Variants in PACRG observed in about 807,000 individuals in gnomAD.
PACRG encodes the protein parkin coregulated gene protein.
Under a neutral mutation model 29.7 loss-of-function variants are expected in PACRG, and 29 were observed. That is an observed-to-expected ratio of 0.98 (90% CI 0.73 to 1.33). The LOEUF is 1.33. Ranked by LOEUF, PACRG falls within the 40% of genes most tolerant of loss-of-function variation. The pLI, the probability that PACRG is intolerant of heterozygous loss-of-function variation, is 0.00. For synonymous variants in PACRG, 116 were observed against 118.7 expected, an observed-to-expected ratio of 0.98 and a Z score of 0.15; for missense variants, 279 against 316.2, an observed-to-expected ratio of 0.88 and a Z score of 0.89.
At chr6:163,302,885 G>A (rs1785056804) in intron 4 of PACRG, among the ~76,000 whole-genome samples, 2 of 152,104 alleles carry the variant, frequency 1.3e-5, no homozygotes, top group South Asian at 4.2e-4. Context: ...TCTGTGCCCC[G>A]CTGTGCAGCC....
intron 4 of PACRG, among the ~76,000 whole-genome samples, chr6:163,172,456 G>A (rs1024000457): frequency 2.0e-5 from 3 of 152,178 alleles, no homozygotes; most frequent in South Asian, 2.1e-4. Context: ...GATTCAGGCC[G>A]TGGAATAATT....
chr6:163,223,571 C>T lies in PACRG; in HGVS notation c.614-91256C>T, dbSNP rs561382380. 1.8e-4 allele frequency among the ~76,000 whole-genome samples: 28 copies of T among 152,164 alleles called. No individual in the cohort carries two copies. The East Asian group carries it at 2.9e-3, about 16-fold the overall frequency. ...CTTGCATTCTAATGAGAGTGTTAGA[C>T]GACTCGACTGTAATGCACAGGAAAA... On this transcript the variant is annotated intron_variant, in intron 4 of 4. Coordinates refer to ENST00000366888, the MANE Select transcript of PACRG (RefSeq NM_001080379.2).
intron 3 of PACRG, among the ~76,000 whole-genome samples, chr6:163,065,705 C>T (rs543588252): frequency 2.0e-5 from 3 of 152,224 alleles, no homozygotes; most frequent in Non-Finnish European, 2.9e-5. Context: ...TTCAGGAAGA[C>T]GTGGCCTCTG....
intron 4 of PACRG, among the ~76,000 whole-genome samples, chr6:163,249,754 G>A (rs1437346187): frequency 1.3e-5 from 2 of 152,324 alleles, no homozygotes; most frequent in Non-Finnish European, 2.9e-5. Flanking sequence ...TTGGATGACA[G>A]GGCACCCGGC....
At chr6:163,162,134 G>A (rs1038564883) in intron 4 of PACRG, among the ~76,000 whole-genome samples, 3 of 152,134 alleles carry the variant, frequency 2.0e-5, no homozygotes, top group Non-Finnish European at 4.4e-5. Context: ...AGGAAAAACT[G>A]AAAGTAACCC....
At chr6:162,798,157 G>C (rs1227211558) in intron 1 of PACRG, among the ~76,000 whole-genome samples, 2 of 152,156 alleles carry the variant, frequency 1.3e-5, no homozygotes, top group Non-Finnish European at 2.9e-5. Flanking sequence ...GTGGGCTTCT[G>C]GGTCTAGGCT....
chr6:162,744,874 A>C (rs1485968369), intron 1 of PACRG, among the ~76,000 whole-genome samples: 1 of 152,190 alleles, frequency 6.6e-6, no homozygotes, highest in East Asian at 1.9e-4. Flanking sequence ...AACAATGGAG[A>C]AAATGTCATC....
At chr6:163,014,552 C>T (rs1805911657) in intron 2 of PACRG, among the ~76,000 whole-genome samples, 1 of 151,258 alleles carries the variant, frequency 6.6e-6, no homozygotes, top group Non-Finnish European at 1.5e-5. Context: ...AATAGCCATT[C>T]TGACTGGTAT....
intron 4 of PACRG, among the ~76,000 whole-genome samples, chr6:163,157,663 T>A (rs761461680): frequency 1.1e-4 from 17 of 152,224 alleles, no homozygotes; most frequent in Non-Finnish European, 2.1e-4. Context: ...GCTGAGGATG[T>A]CAACAGCCAC....
intron 4 of PACRG, among the ~76,000 whole-genome samples, chr6:163,207,758 A>ATT (rs1167453612): frequency 6.6e-6 from 1 of 152,226 alleles, no homozygotes; most frequent in Admixed American, 6.5e-5. Flanking sequence ...CAAAATTAAA[A>ATT]TATAAGACTG....
intron 2 of PACRG, among the ~76,000 whole-genome samples, chr6:162,911,870 A>C (rs1176596317): frequency 6.6e-6 from 1 of 152,210 alleles, no homozygotes; most frequent in African/African-American, 2.4e-5. Context: ...TAACTCTGAA[A>C]GTCCTGTAGA....
chr6:163,173,416 T>G (rs1779185406), intron 4 of PACRG, among the ~76,000 whole-genome samples: 1 of 152,138 alleles, frequency 6.6e-6, no homozygotes, highest in African/African-American at 2.4e-5. Flanking sequence ...ACACCTGATC[T>G]CATCCCATCC....
intron 3 of PACRG, among the ~76,000 whole-genome samples, chr6:163,087,667 G>A (rs546103233): frequency 5.1e-4 from 77 of 151,464 alleles, no homozygotes; most frequent in African/African-American, 1.8e-3. Flanking sequence ...GAGAGGAGGT[G>A]AGGATGGAGG....
intron 3 of PACRG, among the ~76,000 whole-genome samples, chr6:163,075,160 A>G (rs1323326705): frequency 6.6e-6 from 1 of 152,220 alleles, no homozygotes; most frequent in African/African-American, 2.4e-5. Context: ...GAAATGATCA[A>G]GGTGGAAAAT....
intron 2 of PACRG, among the ~76,000 whole-genome samples, chr6:162,841,738 T>A (rs1188608589): frequency 6.6e-6 from 1 of 151,318 alleles, no homozygotes; most frequent in Non-Finnish European, 1.5e-5. Flanking sequence ...CATTTAGTGC[T>A]ATAAATTTCC....
intron 2 of PACRG, among the ~76,000 whole-genome samples, chr6:162,904,828 T>C (rs1471097650): frequency 1.3e-5 from 2 of 152,184 alleles, no homozygotes; most frequent in Non-Finnish European, 2.9e-5. Flanking sequence ...AAGGAGATGA[T>C]ATGGCATGAG....
intron 2 of PACRG, among the ~76,000 whole-genome samples, chr6:162,890,862 A>G (rs948484456): frequency 5.9e-5 from 9 of 152,054 alleles, no homozygotes; most frequent in Non-Finnish European, 1.0e-4. Flanking sequence ...CTTGAGCTTC[A>G]AGTCTCTGTG....
intron 3 of PACRG, among the ~76,000 whole-genome samples, chr6:163,064,136 G>A (rs1413787225): frequency 6.6e-6 from 1 of 151,676 alleles, no homozygotes; most frequent in Non-Finnish European, 1.5e-5. Context: ...GCCTTCTCAG[G>A]GGTCTCTCCC....
chr6:162,969,989 GAAA>G (rs1801389841), intron 2 of PACRG, among the ~76,000 whole-genome samples: 1 of 152,190 alleles, frequency 6.6e-6, no homozygotes, highest in Admixed American at 6.5e-5. Context: ...ATGGTCGAAT[GAAA>G]AGTGCTGATA....
Sources: allele counts gnomAD v4.1 joint callset (sites outside exome capture counted in the v4.1 genomes callset), GRCh38; gene constraint gnomAD v4.1.1; transcripts MANE v1.5; gene names NCBI Gene and HGNC (gene_info 2026-07-23, HGNC 2026-07-21).